DNAH9: variants seen among roughly 807,000 people sequenced by gnomAD.
DNAH9 encodes the protein DNAH9 variant protein.
A neutral mutation model predicts 471.6 loss-of-function variants in DNAH9; 345 were observed. The observed-to-expected ratio is 0.73, with a 90% CI of 0.67 to 0.80. The LOEUF (loss-of-function observed/expected upper bound fraction) is 0.80, where lower values mean the gene tolerates loss of function less well. Ranked by LOEUF, DNAH9 falls within the 30% of genes least tolerant of loss-of-function variation. The pLI is 0.00. For synonymous variants in DNAH9, 2,093 were observed against 2,123.6 expected, an observed-to-expected ratio of 0.99 and a Z score of 0.40; for missense variants, 5,407 against 5,609.2, an observed-to-expected ratio of 0.96 and a Z score of 1.15.
intron 61 of DNAH9, among the ~76,000 whole-genome samples, chr17:11,910,456 C>G (rs148931063): frequency 5.9e-5 from 9 of 152,302 alleles, no homozygotes; most frequent in Admixed American, 3.3e-4. Context: ...CTCTATTCAT[C>G]TGTTGATGGA....
intron 49 of DNAH9, among the ~76,000 whole-genome samples, chr17:11,845,041 C>T (rs1259364846): frequency 6.6e-6 from 1 of 150,412 alleles, no homozygotes; most frequent in Non-Finnish European, 1.5e-5. Flanking sequence ...TTTTAGGGTA[C>T]ATGTGCACAA....
In DNAH9 at chr17:11,598,805, T is replaced by A. The variant is rs894426457; in HGVS notation, c.307T>A (p.Phe103Ile). 10 of 1,480,664 alleles carry A rather than the reference T, an allele frequency of 6.8e-6. No individual in the cohort carries two copies. The highest frequency in any genetic ancestry group is 8.9e-6 in the Non-Finnish European group (10 of 1,119,666). The allele number at this position is 1,480,664 out of a possible 1,614,324, so 91.7% of individuals were successfully genotyped here. A position where few individuals can be genotyped will look rare whatever the true frequency, so the allele number is the denominator to read the frequency against. ...SGLAGAKALFFLRTGPEPPGP... is the reference protein window; with the variant it reads ...SGLAGAKALFILRTGPEPPGP... ...CCTGGCTGGCGCTAAGGCGCTTTTT[T>A]TCCTTCGCACCGGGCCCGAGCCTCC... Residue 103 changes from phenylalanine (F) to isoleucine (I), a missense_variant, in exon 1 of 69, where the codon TTC becomes ATC. Around this residue, in one of 3 missense-constraint regions of DNAH9, gnomAD observed 767 missense variants for 692.5 expected, o/e 1.11. Coordinates refer to ENST00000262442, the MANE Select transcript of DNAH9 (RefSeq NM_001372.4).
intron 12 of DNAH9, among the ~76,000 whole-genome samples, chr17:11,647,730 A>G (rs2150696275): frequency 6.6e-6 from 1 of 152,300 alleles, no homozygotes; most frequent in East Asian, 1.9e-4. Context: ...TGGGGGTCAC[A>G]ACCTTAACAT....
At chr17:11,680,037 G>C (rs983302829) in intron 18 of DNAH9, 58 bp downstream of exon 18, 1 of 1,419,762 alleles carries the variant, frequency 7.0e-7, no homozygotes, top group Non-Finnish European at 9.9e-7. Flanking sequence ...TAGGATTTCA[G>C]AATGGGGTAA....
chr17:11,824,785 C>G (rs1277020740), intron 48 of DNAH9, among the ~76,000 whole-genome samples: 1 of 152,096 alleles, frequency 6.6e-6, no homozygotes, highest in Admixed American at 6.6e-5. Flanking sequence ...TACAGTTTCA[C>G]AGAAACTGTC....
At chr17:11,809,027 A>C (rs1272559414) in intron 44 of DNAH9, among the ~76,000 whole-genome samples, 1 of 152,168 alleles carries the variant, frequency 6.6e-6, no homozygotes, top group Non-Finnish European at 1.5e-5. Flanking sequence ...GCTGTGAGTA[A>C]TGTGAGAGAG....
At chr17:11,781,352 A>G (rs1258429831) in intron 39 of DNAH9, among the ~76,000 whole-genome samples, 178 bp downstream of exon 39, 3 of 152,238 alleles carry the variant, frequency 2.0e-5, no homozygotes, top group Non-Finnish European at 2.9e-5. Context: ...GGTTCCTTCA[A>G]ACAGGAGCAC....
intron 27 of DNAH9, among the ~76,000 whole-genome samples, chr17:11,726,252 A>C (rs2075149749): frequency 6.6e-6 from 1 of 152,090 alleles, no homozygotes; most frequent in Admixed American, 6.5e-5. Context: ...TAATCTTGTG[A>C]CCTTTACACT....
chr17:11,826,363 G>GGC (rs1555604404), intron 48 of DNAH9, among the ~76,000 whole-genome samples: 5 of 151,244 alleles, frequency 3.3e-5, no homozygotes, highest in Non-Finnish European at 7.4e-5. Context: ...GAAGCTGGGG[G>GGC]GGTAATTTTA....
At chr17:11,767,282 T>C (rs1967992321) in intron 36 of DNAH9, among the ~76,000 whole-genome samples, 1 of 152,174 alleles carries the variant, frequency 6.6e-6, no homozygotes. Flanking sequence ...TGAAGCGTAT[T>C]ATCTAGGAGT....
intron 19 of DNAH9, among the ~76,000 whole-genome samples, chr17:11,681,461 G>T (rs983355367): frequency 2.6e-5 from 4 of 152,096 alleles, no homozygotes; most frequent in African/African-American, 9.7e-5. Flanking sequence ...CTTTCTCAGG[G>T]ATTTCCTCCC....
intron 60 of DNAH9, among the ~76,000 whole-genome samples, chr17:11,904,724 T>C (rs1973529735): frequency 6.8e-6 from 1 of 147,704 alleles, no homozygotes. Flanking sequence ...CGCTTGCCAA[T>C]CCTAAGGCAG....
At chr17:11,675,828 T>G (rs1196794637) in intron 17 of DNAH9, among the ~76,000 whole-genome samples, 2 of 152,230 alleles carry the variant, frequency 1.3e-5, no homozygotes, top group Non-Finnish European at 2.9e-5. Flanking sequence ...TTATTGTGTT[T>G]GCAAATATTT....
At position 11,891,921 on chromosome 17, in the gene DNAH9, A is replaced by C; in HGVS notation, c.11257A>C (p.Thr3753Pro). The C allele has an allele frequency of 6.2e-7, 1 of 1,613,964 alleles. No individual in the cohort carries two copies. Among genetic ancestry groups the C allele is most frequent in the Non-Finnish European group, 8.5e-7 (1 of 1,179,904 alleles). The change falls in exon 58 of 69, where the codon ACC (threonine) becomes CCC (proline). Residue 3753 changes from threonine to proline, a missense_variant. Physicochemically the swap from Thr to Pro is conservative, Grantham distance 38. This residue lies in a region of DNAH9 where 4,636 missense variants were observed against 4,900.3 expected (regional missense o/e 0.95). Transcript: ENST00000262442. ...CGGGCTCTTTGAGTGTGATAAGCTG[A>C]CCTACCTTGCCCAGCTCACCTTTCA... ...IRGLFECDKL[T>P]YLAQLTFQIL...
chr17:11,635,033 C>T (rs1283134088), intron 8 of DNAH9, among the ~76,000 whole-genome samples: 2 of 152,140 alleles, frequency 1.3e-5, no homozygotes, highest in Non-Finnish European at 2.9e-5. Context: ...AATTTTATAT[C>T]GTGTTTCTCA....
rs777088385 is a variant in DNAH9, at chr17:11,738,872, T to C, written c.5815-8T>C. 1 of 1,613,608 alleles carries C rather than the reference T, an allele frequency of 6.2e-7. No individual in the cohort carries two copies. Among genetic ancestry groups the C allele is most frequent in the Non-Finnish European group, 8.5e-7 (1 of 1,179,624 alleles). On this transcript the variant is annotated splice_polypyrimidine_tract_variant and splice_region_variant and intron_variant, in intron 28 of 68. Transcript: ENST00000262442. Reference sequence around the variant, plus strand: ...GAGGAATTTCTCGCTGATTGATTGGTTCACCAGGTAAAAAGCATTCAAGAT... The same window carrying C: ...GAGGAATTTCTCGCTGATTGATTGGCTCACCAGGTAAAAAGCATTCAAGAT...
At chr17:11,603,332 C>G (rs1469656851) in intron 1 of DNAH9, among the ~76,000 whole-genome samples, 2 of 152,206 alleles carry the variant, frequency 1.3e-5, no homozygotes, top group African/African-American at 2.4e-5. Context: ...TTTCAAATGT[C>G]CAAAACCTCC....
Position 11,788,039 on chromosome 17 carries a change from G to C in DNAH9, c.8061+3500G>C, listed in dbSNP as rs181874676. ...GAAATCACTAACCATTCCCATCTCA[G>C]TGCAACACATAACTATCTAAGATGG... On this transcript the variant is annotated intron_variant, in intron 41 of 68. Transcript: ENST00000262442. Among the ~76,000 whole-genome samples, 34 of 152,222 alleles carry C rather than the reference G, an allele frequency of 2.2e-4. No homozygotes were observed. The East Asian group carries it at 6.2e-3, about 28-fold the overall frequency.
At chr17:11,920,456 AC>A (rs1414434350) in intron 61 of DNAH9, among the ~76,000 whole-genome samples, 1 of 151,388 alleles carries the variant, frequency 6.6e-6, no homozygotes, top group East Asian at 2.0e-4. Context: ...CCCTATCTCT[AC>A]TAAAAATACA....
Sources: allele counts gnomAD v4.1 joint callset (sites outside exome capture counted in the v4.1 genomes callset), GRCh38; gene constraint gnomAD v4.1.1; regional missense constraint gnomAD v4.1.1; transcripts MANE v1.5; gene names NCBI Gene and HGNC (gene_info 2026-07-23, HGNC 2026-07-21).